The following CES1 variants were observed in gnomAD, a reference collection of about 807,000 sequenced individuals.
CES1 encodes the protein carboxylesterase 1.
A neutral mutation model predicts 53.0 loss-of-function variants in CES1; 50 were observed. The ratio of observed to expected loss-of-function variants is 0.94; its 90% CI spans 0.75 to 1.19. CES1 has a LOEUF of 1.19. CES1 is among the 50% of genes most tolerant of loss of function. The pLI is 0.00. For synonymous variants in CES1, 202 were observed against 210.1 expected, an observed-to-expected ratio of 0.96 and a Z score of 0.33; for missense variants, 534 against 538.0, an observed-to-expected ratio of 0.99 and a Z score of 0.07.
In CES1 at chr16:55,820,880, C is replaced by G. The variant is rs1444796553; in HGVS notation, c.694-401G>C. On this transcript the variant is annotated intron_variant, in intron 5 of 13. Transcript: ENST00000360526. ...TCCTTCTTGGGCATGGACAAGCCAT[C>G]AGACCACCCCAGAGGAATTCCCAGC... Among the ~76,000 whole-genome samples, 5 of 152,166 alleles carry G rather than the reference C, an allele frequency of 3.3e-5. No homozygotes were observed. The East Asian group carries it at 9.6e-4, about 29-fold the overall frequency.
intron 5 of CES1, 134 bp from the exon 6 acceptor site, chr16:55,820,613 TGCCCACCTCAA>T (rs2032137772): frequency 6.9e-7 from 1 of 1,439,262 alleles, no homozygotes; most frequent in African/African-American, 1.4e-5. Context: ...GCTGACCCTC[TGCCCACCTCAA>T]GGAGGTGGAA....
At chr16:55,823,172 T>G (rs1198890909) in intron 4 of CES1, among the ~76,000 whole-genome samples, 1 of 151,000 alleles carries the variant, frequency 6.6e-6, no homozygotes, top group Non-Finnish European at 1.5e-5. Flanking sequence ...CCATGAGAAG[T>G]CAGATGTGTC....
At chr16:55,818,305 T>C (rs2032036077) in intron 7 of CES1, among the ~76,000 whole-genome samples, 1 of 152,196 alleles carries the variant, frequency 6.6e-6, no homozygotes, top group African/African-American at 2.4e-5. Context: ...AGTCCTAATA[T>C]GTGAGGATGG....
intron 9 of CES1, 64 bp from the exon 10 acceptor site, chr16:55,811,074 A>G: frequency 7.5e-7 from 1 of 1,336,694 alleles, no homozygotes; most frequent in East Asian, 2.3e-5. Flanking sequence ...AAACAAACTG[A>G]CCAACCAACC....
chr16:55,819,425 G>A (rs2032078038), intron 7 of CES1, 110 bp downstream of exon 7: 2 of 820,558 alleles, frequency 2.4e-6, no homozygotes, highest in South Asian at 2.6e-5. Flanking sequence ...TTCAGATACT[G>A]AGAGTTGAGA....
intron 5 of CES1, 83 bp from the exon 6 acceptor site, chr16:55,820,562 C>G: frequency 6.2e-7 from 1 of 1,607,424 alleles, no homozygotes; most frequent in Non-Finnish European, 8.5e-7. Flanking sequence ...TAGATCTACT[C>G]CACTATAAAA....
intron 3 of CES1, among the ~76,000 whole-genome samples, chr16:55,825,478 C>T (rs1214632710): frequency 6.6e-6 from 1 of 152,220 alleles, no homozygotes; most frequent in African/African-American, 2.4e-5. Context: ...GGGTCATCAG[C>T]CTTTGCCAAG....
chr16:55,822,399 C>A (rs1415601874), intron 4 of CES1, among the ~76,000 whole-genome samples: 4 of 152,210 alleles, frequency 2.6e-5, no homozygotes, highest in Admixed American at 2.0e-4. Flanking sequence ...GAAGGCGCAG[C>A]CAAGAGGGTT....
chr16:55,819,717 C>T lies in CES1; in HGVS notation c.802-78G>A, dbSNP rs1447275955. 4 of 1,235,296 alleles carry T rather than the reference C, an allele frequency of 3.2e-6. No individual in the cohort carries two copies. In the East Asian group the frequency reaches 6.8e-5, roughly 21 times the overall value. The allele number at this position is 1,235,296 out of a possible 1,614,324, so 76.5% of individuals were successfully genotyped here. ...ATCAAAGAGGAAAGTGGCATTCTATCCCAAGCCCAACTTGTACTAGTGGCA... is the reference window on the plus strand; with the variant it reads ...ATCAAAGAGGAAAGTGGCATTCTATTCCAAGCCCAACTTGTACTAGTGGCA... On this transcript the variant is annotated intron_variant, in intron 6 of 13. Coordinates refer to ENST00000360526, the MANE Select transcript of CES1 (RefSeq NM_001025195.2).
In CES1 at chr16:55,814,347, T is replaced by C. The variant is rs1314697285; in HGVS notation, c.946-1304A>G. Among the ~76,000 whole-genome samples the C allele has an allele frequency of 4.6e-5, 7 of 152,374 alleles. No individual in the cohort carries two copies. In the East Asian group the frequency reaches 1.3e-3, roughly 29 times the overall value. On this transcript the variant is annotated intron_variant, in intron 8 of 13. Transcript: ENST00000360526. ...TCAGGGCAGCTGGTTCTGGGTACAGTTATATTTCATATTTAGTCACAATGG... is the reference window on the plus strand; with the variant it reads ...TCAGGGCAGCTGGTTCTGGGTACAGCTATATTTCATATTTAGTCACAATGG...
In CES1 at chr16:55,829,162, G is replaced by T. The variant is rs549678481; in HGVS notation, c.53-188C>A. On this transcript the variant is annotated intron_variant, in intron 1 of 13. Coordinates refer to ENST00000360526, the MANE Select transcript of CES1 (RefSeq NM_001025195.2). ...CCCTAACCCATTGAGCTGGTTTAAT[G>T]GGCAAACTAGAATTGGAGGCATAAA... Among the ~76,000 whole-genome samples the T allele has an allele frequency of 6.8e-4, 103 of 152,194 alleles. 1 individual carries two copies. Among genetic ancestry groups the T allele is most frequent in the African/African-American group, 2.3e-3 (95 of 41,452 alleles).
intron 6 of CES1, chr16:55,820,083 A>T (rs2032108919): frequency 1.7e-6 from 1 of 604,994 alleles, no homozygotes; most frequent in South Asian, 1.9e-5. Flanking sequence ...GTGGTCACAG[A>T]TAGGGCACTG....
At chr16:55,819,699 AG>A in intron 6 of CES1, 60 bp from the exon 7 acceptor site, 5 of 1,405,754 alleles carry the variant, frequency 3.6e-6, no homozygotes, top group Non-Finnish European at 5.0e-6. Context: ...TCCATCAAAG[AG>A]GAAAGTGGCA....
At chr16:55,818,995 G>C (rs2032060990) in intron 7 of CES1, among the ~76,000 whole-genome samples, 1 of 152,218 alleles carries the variant, frequency 6.6e-6, no homozygotes, top group South Asian at 2.1e-4. Context: ...AGATATGAGT[G>C]AATTGGATGA....
chr16:55,830,781 G>GGAAGGAAGGAAGGAAGGAAGGAAGGAAA (rs2032614776), intron 1 of CES1, among the ~76,000 whole-genome samples: 1 of 112,714 alleles, frequency 8.9e-6, no homozygotes, highest in Non-Finnish European at 2.0e-5. Context: ...AAAGAAGGAA[G>GGAAGGAAGGAAGGAAGGAAGGAAGGAAA]GAAGGAAGGA....
chr16:55,816,879 G>T (rs369754762), intron 8 of CES1, 45 bp downstream of exon 8: 1 of 1,583,844 alleles, frequency 6.3e-7, no homozygotes, highest in East Asian at 2.2e-5. Flanking sequence ...GAGCTTAAAG[G>T]TGCTAAGACT....
intron 8 of CES1, among the ~76,000 whole-genome samples, chr16:55,814,805 T>G (rs1272424070): frequency 3.3e-5 from 5 of 152,250 alleles, no homozygotes; most frequent in African/African-American, 1.2e-4. Flanking sequence ...TAGTTCGGAC[T>G]GCCTGGGGGA....
chr16:55,818,392 T>A (rs1210543480), intron 7 of CES1, among the ~76,000 whole-genome samples: 1 of 152,258 alleles, frequency 6.6e-6, no homozygotes, highest in Non-Finnish European at 1.5e-5. Context: ...CCTCTGTGAC[T>A]AATTTGAACT....
rs776903994 is a variant in CES1, at chr16:55,810,597, T to C, written c.1238A>G (p.Lys413Arg). 6.1e-5 allele frequency: 98 copies of C among 1,614,070 alleles called. No homozygotes were observed. The highest frequency in any genetic ancestry group is 3.3e-4 in the Middle Eastern group (2 of 6,084). ...CAAGTCCAGGAACAGGTCTTTCTTT[T>C]TGACAGTGTCGTCTGTTCCTCCTAA... ...KYLGGTDDTV[K>R]KKDLFLDLIA... The change falls in exon 11 of 14, where the codon AAA becomes AGA. Residue 413 changes from lysine to arginine, a missense_variant. Around this residue, in one of 5 missense-constraint regions of CES1, gnomAD observed 269 missense variants for 206.6 expected, o/e 1.30. Transcript: ENST00000360526.
Sources: allele counts gnomAD v4.1 joint callset (sites outside exome capture counted in the v4.1 genomes callset), GRCh38; gene constraint gnomAD v4.1.1; regional missense constraint gnomAD v4.1.1; transcripts MANE v1.5; gene names NCBI Gene and HGNC (gene_info 2026-07-23, HGNC 2026-07-21).